LAMA3: variants seen among roughly 807,000 people sequenced by gnomAD.
The protein encoded by LAMA3 is laminin subunit alpha-3.
LAMA3 carries 281 observed loss-of-function variants against 402.0 expected under a neutral mutation model. That is an observed-to-expected ratio of 0.70 (90% CI 0.63 to 0.77). LAMA3 has a LOEUF of 0.77. Among genes scored for constraint, LAMA3 ranks in the 30% least tolerant of loss-of-function variants. The pLI, the probability that LAMA3 is intolerant of heterozygous loss-of-function variation, is 0.00. For synonymous variants in LAMA3, 1,431 were observed against 1,558.4 expected, an observed-to-expected ratio of 0.92 and a Z score of 1.93; for missense variants, 3,840 against 4,215.5, an observed-to-expected ratio of 0.91 and a Z score of 2.47.
At chr18:23,831,084 T>C (rs1216141728) in intron 23 of LAMA3, among the ~76,000 whole-genome samples, 1 of 152,202 alleles carries the variant, frequency 6.6e-6, no homozygotes, top group African/African-American at 2.4e-5. Flanking sequence ...TTTCTTGGCA[T>C]TCTCCTTCCA....
At chr18:23,925,542 T>C in intron 62 of LAMA3, among the ~76,000 whole-genome samples, 1 of 152,200 alleles carries the variant, frequency 6.6e-6, no homozygotes, top group East Asian at 1.9e-4. Flanking sequence ...AGATTAGGGC[T>C]GCCTTTTGTT....
intron 1 of LAMA3, chr18:23,709,718 C>T: frequency 4.5e-6 from 2 of 448,016 alleles, no homozygotes; most frequent in South Asian, 4.0e-5. Flanking sequence ...GATCTTCCAT[C>T]TGAGAAGTCC....
At chr18:23,723,016 T>G (rs1488380165) in intron 2 of LAMA3, among the ~76,000 whole-genome samples, 1 of 152,164 alleles carries the variant, frequency 6.6e-6, no homozygotes, top group Non-Finnish European at 1.5e-5. Flanking sequence ...TACATTTACA[T>G]ATCATCTATG....
chr18:23,712,575 C>T (rs1276671374), intron 1 of LAMA3, among the ~76,000 whole-genome samples: 4 of 150,154 alleles, frequency 2.7e-5, no homozygotes, highest in African/African-American at 9.8e-5. Flanking sequence ...CAGGAAGTGG[C>T]GGGGCCACAT....
chr18:23,834,420 G>A lies in LAMA3; in HGVS notation c.2984+432G>A, dbSNP rs532754976. On this transcript the variant is annotated intron_variant, in intron 24 of 74. Coordinates refer to ENST00000313654, the MANE Select transcript of LAMA3 (RefSeq NM_198129.4). The stretch of plus-strand genomic sequence containing the variant: ...CTTTGCAACACACCTTCAGAACTGG[G>A]GATAATTAATGTTTGATGATTGTCA... 1.1e-4 allele frequency: 19 copies of A among 167,242 alleles called. No homozygotes were observed. In the South Asian group the frequency reaches 2.8e-3, roughly 25 times the overall value. 10.4% of individuals were successfully genotyped at this position (167,242 alleles called of 1,614,324 possible). A position where few individuals can be genotyped will look rare whatever the true frequency, so the allele number is the denominator to read the frequency against.
intron 39 of LAMA3, among the ~76,000 whole-genome samples, chr18:23,877,576 C>T (rs563531320): frequency 1.3e-5 from 2 of 152,224 alleles, no homozygotes; most frequent in South Asian, 2.1e-4. Flanking sequence ...GTTCCTAGAC[C>T]GTATTAAGCT....
Position 23,931,221 on chromosome 18 carries a change from TG to T in LAMA3, c.8576+21del. ...CTCTGGGTGAGTGGAATAATACTTC[TG>T]TCAGAGCTGTGAGTGAGTTTTACTC... On this transcript the variant is annotated intron_variant, in intron 65 of 74. Coordinates refer to ENST00000313654, the MANE Select transcript of LAMA3 (RefSeq NM_198129.4). The T allele has an allele frequency of 6.2e-7, 1 of 1,605,210 alleles. No homozygotes were observed. The highest frequency in any genetic ancestry group is 8.5e-7 in the Non-Finnish European group (1 of 1,171,834).
intron 13 of LAMA3, among the ~76,000 whole-genome samples, chr18:23,812,108 C>T (rs1162368339): frequency 1.3e-5 from 2 of 151,966 alleles, no homozygotes; most frequent in Non-Finnish European, 2.9e-5. Flanking sequence ...CTCCTGACCT[C>T]GTGATTTGCC....
intron 32 of LAMA3, among the ~76,000 whole-genome samples, chr18:23,853,201 A>ATAAT (rs2063984828): frequency 6.6e-6 from 1 of 152,190 alleles, no homozygotes; most frequent in Non-Finnish European, 1.5e-5. Context: ...AAATAAATAA[A>ATAAT]TAAGGTAGAT....
At position 23,823,758 on chromosome 18, in the gene LAMA3, A is replaced by C. The variant is rs1382725318; in HGVS notation, c.2429-665A>C. On this transcript the variant is annotated intron_variant, in intron 20 of 74. Transcript: ENST00000313654. The stretch of plus-strand genomic sequence containing the variant: ...AAAAGTCTCAATTGAACTTAGATGC[A>C]ATAGTTTATTTCTTTCTGAACCTCT... Among the ~76,000 whole-genome samples, 5 of 152,224 alleles carry C rather than the reference A, an allele frequency of 3.3e-5. No individual in the cohort carries two copies. The East Asian group carries it at 9.6e-4, about 29-fold the overall frequency.
At chr18:23,761,742 T>A (rs922775006) in intron 7 of LAMA3, among the ~76,000 whole-genome samples, 1 of 152,218 alleles carries the variant, frequency 6.6e-6, no homozygotes, top group Non-Finnish European at 1.5e-5. Context: ...GAATTTTGTA[T>A]GTATAAAACA....
At chr18:23,793,410 A>C (rs2062700203) in intron 12 of LAMA3, among the ~76,000 whole-genome samples, 1 of 151,968 alleles carries the variant, frequency 6.6e-6, no homozygotes, top group African/African-American at 2.4e-5. Flanking sequence ...GAAATGGTGA[A>C]TCCAAAGCCC....
intron 20 of LAMA3, 50 bp downstream of exon 20, chr18:23,822,425 T>C (rs569721552): frequency 1.3e-6 from 2 of 1,574,144 alleles, no homozygotes; most frequent in East Asian, 4.5e-5. Flanking sequence ...AAGAAATAAA[T>C]AGTGAAACAC....
chr18:23,773,547 C>T lies in LAMA3; in HGVS notation c.1233C>T (p.Arg411=). ...AACAGTGTGCTAAGGGCTATTACCG[C>T]CCTTATGGGGTTCCAGTGGATGCCC... The part of the protein sequence containing the change: ...NCEQCAKGYY[R]PYGVPVDAPD... Residue 411 remains arginine (R), a synonymous_variant, in exon 9 of 75, where the codon CGC becomes CGT. Transcript: ENST00000313654. The T allele has an allele frequency of 1.3e-6, 2 of 1,598,790 alleles. No homozygotes were observed. The highest frequency in any genetic ancestry group is 8.5e-7 in the Non-Finnish European group (1 of 1,170,802).
intron 12 of LAMA3, among the ~76,000 whole-genome samples, chr18:23,805,255 A>G (rs2062940365): frequency 6.6e-6 from 1 of 152,162 alleles, no homozygotes; most frequent in African/African-American, 2.4e-5. Context: ...TAAGTTTATA[A>G]TAATCTACTG....
intron 41 of LAMA3, among the ~76,000 whole-genome samples, chr18:23,886,031 A>G (rs919810738): frequency 6.6e-6 from 1 of 152,218 alleles, no homozygotes; most frequent in Admixed American, 6.5e-5. Flanking sequence ...GTATTCACTG[A>G]TAACATCACA....
intron 44 of LAMA3, among the ~76,000 whole-genome samples, chr18:23,897,438 T>C (rs1259917137): frequency 6.6e-6 from 1 of 152,228 alleles, no homozygotes; most frequent in Non-Finnish European, 1.5e-5. Context: ...ACTGGCTTGC[T>C]TGGATTTCAT....
rs1343135327 is a variant in LAMA3 at position 23,943,810 on chromosome 18, C to G, written c.9049C>G (p.Gln3017Glu). ...KPRSQFAVDM[Q>E]TTSSRGLVFH... is the part of the protein sequence containing the mutation. ...CAGGTCACAGTTTGCTGTGGACATG[C>G]AGACAACATCCTCCAGAGGACTGGT... Residue 3017 changes from glutamine to glutamate, a missense_variant, in exon 69 of 75, where the codon CAG becomes GAG. Physicochemically the swap from Gln to Glu is conservative, Grantham distance 29 (BLOSUM62 2). This residue lies in a region of LAMA3 where 840 missense variants were observed against 981.9 expected (regional missense o/e 0.86). Coordinates refer to ENST00000313654, the MANE Select transcript of LAMA3 (RefSeq NM_198129.4). 1 of 1,613,856 alleles carries G rather than the reference C, an allele frequency of 6.2e-7. No individual in the cohort carries two copies. Among genetic ancestry groups the G allele is most frequent in the Admixed American group, 1.7e-5 (1 of 60,004 alleles).
intron 39 of LAMA3, among the ~76,000 whole-genome samples, chr18:23,880,987 A>G (rs2064876937): frequency 2.0e-5 from 3 of 152,254 alleles, no homozygotes; most frequent in Admixed American, 1.3e-4. Flanking sequence ...AAATGTTTAA[A>G]ATTATACTTA....
Sources: gnomAD v4.1 joint callset for allele counts (sites outside exome capture counted in the v4.1 genomes callset) on GRCh38, gnomAD v4.1.1 for gene constraint, gnomAD v4.1.1 regional missense constraint, MANE v1.5 for transcripts, NCBI Gene and HGNC (gene_info 2026-07-23, HGNC 2026-07-21) for gene names.